RGP1: variants seen among roughly 807,000 people sequenced by gnomAD.
The protein encoded by RGP1 is RAB6A-GEF complex partner protein 2.
Under a neutral mutation model 44.5 loss-of-function variants are expected in RGP1, and 28 were observed. The observed-to-expected ratio is 0.63, with a 90% CI of 0.47 to 0.86. The LOEUF (loss-of-function observed/expected upper bound fraction) is 0.86, where lower values mean the gene tolerates loss of function less well. Among genes scored for constraint, RGP1 ranks in the 40% least tolerant of loss-of-function variants. The pLI is 0.00. For synonymous variants in RGP1, 212 were observed against 196.7 expected (o/e 1.08, Z -0.65); for missense variants, 417 against 490.7 (o/e 0.85, Z 1.42).
chr9:35,750,407 G>C (rs746492620), intron 3 of RGP1, 28 bp downstream of exon 3: 15 of 1,608,136 alleles, frequency 9.3e-6, no homozygotes, highest in Non-Finnish European at 1.3e-5. Context: ...GCCTGGGAGA[G>C]GGGGGGTGCG....
the RGP1 span, chr9:35,790,022 T>C: frequency 1.3e-5 from 2 of 153,782 alleles, no homozygotes; most frequent in Admixed American, 1.3e-4. Context: ...CATTTTGGAT[T>C]TGCTTGTCTC....
chr9:35,750,705 T>G lies in RGP1; in HGVS notation c.301T>G (p.Cys101Gly). Residue 101 changes from cysteine (C) to glycine (G), a missense_variant, in exon 4 of 9, where the codon TGT (cysteine) becomes GGT (glycine). Coordinates refer to ENST00000378078, the MANE Select transcript of RGP1 (RefSeq NM_001080496.3). ...ILSTPPKILFCDLRLDPGESK... is the reference protein window; with the variant it reads ...ILSTPPKILFGDLRLDPGESK... ...TTCTACTCCACCGAAAATTCTATTC[T>G]GTGACCTGAGGCTTGATCCTGGAGA... 1 of 1,614,024 alleles carries G rather than the reference T, an allele frequency of 6.2e-7. No homozygotes were observed. Among genetic ancestry groups the G allele is most frequent in the African/African-American group, 1.3e-5 (1 of 75,052 alleles).
downstream of RGP1, among the ~76,000 whole-genome samples, chr9:35,762,241 A>G (rs1300080613): frequency 1.3e-5 from 2 of 152,200 alleles, no homozygotes; most frequent in Non-Finnish European, 2.9e-5. Flanking sequence ...TCCTCAGACA[A>G]TTGAAGGACT....
chr9:35,782,896 C>T, the RGP1 span, among the ~76,000 whole-genome samples: 26 of 150,234 alleles, frequency 1.7e-4, 1 homozygote, highest in South Asian at 4.2e-4. Context: ...GCAACCTCCC[C>T]CTCCCCGGTT....
Position 35,749,321 on chromosome 9 carries a change from C to T in RGP1, c.-107C>T, listed in dbSNP as rs536841038. Reference sequence around the variant, plus strand: ...TCTACCGCCCAGCGGACGCCGCCGCCGCCGCCGCCGCCGCGTACCTAGCCA... The same window carrying T: ...TCTACCGCCCAGCGGACGCCGCCGCTGCCGCCGCCGCCGCGTACCTAGCCA... On this transcript the variant is annotated 5_prime_UTR_variant, in exon 1 of 9. Transcript: ENST00000378078. The surrounding 1 kb of genome is among the most constrained non-coding windows in gnomAD (Gnocchi z 4.4). The T allele has an allele frequency of 1.3e-5, 7 of 526,176 alleles. No homozygotes were observed. In the East Asian group the frequency reaches 2.8e-4, roughly 21 times the overall value. 32.6% of individuals were successfully genotyped at this position (526,176 alleles called of 1,614,324 possible).
chr9:35,776,784 A>G, the RGP1 span, among the ~76,000 whole-genome samples: 3 of 151,802 alleles, frequency 2.0e-5, no homozygotes, highest in Admixed American at 6.6e-5. Context: ...TCATGAGGTC[A>G]GGAGATCGAG....
chr9:35,750,538 A>G, intron 3 of RGP1, 120 bp from the exon 4 acceptor site: 1 of 1,306,168 alleles, frequency 7.7e-7, no homozygotes, highest in Admixed American at 1.9e-5. Flanking sequence ...GTAGAAGACT[A>G]TTCCCATTTC....
chr9:35,754,988 G>A lies in RGP1; in HGVS notation c.*2114G>A, dbSNP rs1290300971. On this transcript the variant is annotated 3_prime_UTR_variant, in exon 9 of 9. Transcript: ENST00000378078. The stretch of plus-strand genomic sequence containing the variant: ...TGAATCACTCCAGGTTCACAGAGGT[G>A]TCCTCTCTTTCCTCCCATATATAAT... The A allele has an allele frequency of 6.6e-6, 1 of 152,214 alleles. No individual in the cohort carries two copies. Among genetic ancestry groups the A allele is most frequent in the Admixed American group, 6.5e-5 (1 of 15,290 alleles). The allele number at this position is 152,214 out of a possible 1,614,324, so 9.4% of individuals were successfully genotyped here.
Position 35,755,078 on chromosome 9 carries a change from C to G in RGP1, c.*2204C>G, listed in dbSNP as rs1251386452. Reference sequence around the variant, plus strand: ...GAGTTTCCCACAGGTTCTGGAGGAGCCCAGGATGGATTATTGAGAGCATGG... The same window carrying G: ...GAGTTTCCCACAGGTTCTGGAGGAGGCCAGGATGGATTATTGAGAGCATGG... On this transcript the variant is annotated 3_prime_UTR_variant, in exon 9 of 9. Transcript: ENST00000378078. 6.6e-6 allele frequency: 1 copy of G among 152,208 alleles called. No homozygotes were observed. The highest frequency in any genetic ancestry group is 1.5e-5 in the Non-Finnish European group (1 of 68,058). 9.4% of individuals were successfully genotyped at this position (152,208 alleles called of 1,614,324 possible).
In RGP1 at chr9:35,753,162, C is replaced by G; in HGVS notation, c.*288C>G. ...GTGTTGGCTGAGCCCCATTCTGGGT[C>G]AGGCCCTCCCCCTTTGCAGGGCAGC... On this transcript the variant is annotated 3_prime_UTR_variant, in exon 9 of 9. Coordinates refer to ENST00000378078, the MANE Select transcript of RGP1 (RefSeq NM_001080496.3). The surrounding 1 kb of genome is among the most constrained non-coding windows in gnomAD (Gnocchi z 4.2). 1 of 1,614,176 alleles carries G rather than the reference C, an allele frequency of 6.2e-7. No homozygotes were observed.
chr9:35,778,116 A>T, the RGP1 span, among the ~76,000 whole-genome samples: 31 of 152,266 alleles, frequency 2.0e-4, no homozygotes, highest in African/African-American at 7.0e-4. Flanking sequence ...CCTGATCAAC[A>T]TGGAGAAACC....
Position 35,753,539 on chromosome 9 carries a change from T to C in RGP1, c.*665T>C. The stretch of plus-strand genomic sequence containing the variant: ...TCACACTAGTGTTGGTCCCTTCAGG[T>C]TTGGCCCATCTTGTATTGCTCTTCT... On this transcript the variant is annotated 3_prime_UTR_variant, in exon 9 of 9. Transcript: ENST00000378078. This position sits in a 1 kb window ranked among gnomAD's most constrained non-coding sequence, Gnocchi z 4.2. The C allele has an allele frequency of 3.4e-6, 3 of 894,038 alleles. No individual in the cohort carries two copies. In the South Asian group the frequency reaches 4.9e-5, roughly 15 times the overall value. The allele number at this position is 894,038 out of a possible 1,614,324, so 55.4% of individuals were successfully genotyped here.
chr9:35,781,179 G>T, the RGP1 span, among the ~76,000 whole-genome samples: 1 of 151,666 alleles, frequency 6.6e-6, no homozygotes, highest in South Asian at 2.1e-4. Flanking sequence ...AAAACCCATG[G>T]GCATAGAATA....
chr9:35,760,427 C>T (rs536694022), downstream of RGP1, among the ~76,000 whole-genome samples: 2 of 152,128 alleles, frequency 1.3e-5, no homozygotes, highest in Non-Finnish European at 2.9e-5. Context: ...GATGTGACAA[C>T]CAAAATGTCT....
At position 35,756,710 on chromosome 9, in the gene RGP1, A is replaced by G. The variant is rs1009547477; in HGVS notation, c.*3836A>G. The stretch of plus-strand genomic sequence containing the variant: ...GGGCCACCTTCTGCTCTTGCAAGCT[A>G]GAGCCAGCCCAATAGGGGGCGGATG... On this transcript the variant is annotated 3_prime_UTR_variant, in exon 9 of 9. Transcript: ENST00000378078. The G allele has an allele frequency of 6.6e-6, 1 of 152,332 alleles. No individual in the cohort carries two copies. The highest frequency in any genetic ancestry group is 2.4e-5 in the African/African-American group (1 of 41,452). The allele number at this position is 152,332 out of a possible 1,614,324, so 9.4% of individuals were successfully genotyped here. A position where few individuals can be genotyped will look rare whatever the true frequency, so the allele number is the denominator to read the frequency against.
chr9:35,787,994 G>T, the RGP1 span, among the ~76,000 whole-genome samples: 1 of 152,218 alleles, frequency 6.6e-6, no homozygotes, highest in African/African-American at 2.4e-5. Flanking sequence ...GCATGATCTG[G>T]TGTAGAACAA....
chr9:35,751,542 A>C (rs1267649635), intron 6 of RGP1, 85 bp from the exon 7 acceptor site: 50 of 1,601,456 alleles, frequency 3.1e-5, no homozygotes, highest in Non-Finnish European at 4.3e-5. Flanking sequence ...TTTAAAGAAA[A>C]GCCCCATCTT....
downstream of RGP1, among the ~76,000 whole-genome samples, chr9:35,761,693 CAAAA>C (rs1404341956): frequency 6.5e-4 from 99 of 151,988 alleles, no homozygotes; most frequent in African/African-American, 2.3e-3. Context: ...AACAAACAAA[CAAAA>C]AACCCCAAAA....
At chr9:35,752,166 G>A in intron 8 of RGP1, 21 bp downstream of exon 8, 14 of 1,527,496 alleles carry the variant, frequency 9.2e-6, no homozygotes, top group Non-Finnish European at 1.2e-5. Context: ...CACTGTTACT[G>A]GAGAAGGGAG....
Sources: allele counts gnomAD v4.1 joint callset (sites outside exome capture counted in the v4.1 genomes callset), GRCh38; gene constraint gnomAD v4.1.1; non-coding constraint Gnocchi (gnomAD v3.1); transcripts MANE v1.5; gene names NCBI Gene and HGNC (gene_info 2026-07-23, HGNC 2026-07-21).